ANOS1: variants seen among roughly 807,000 people sequenced by gnomAD.
ANOS1 encodes the protein anosmin-1.
In ANOS1, 6 loss-of-function variants were observed where a neutral mutation model predicts 59.0. That is an observed-to-expected ratio of 0.10 (90% CI 0.06 to 0.20). The LOEUF (loss-of-function observed/expected upper bound fraction) is 0.20, where lower values mean the gene tolerates loss of function less well. ANOS1 is among the 10% of genes least tolerant of loss of function. ANOS1 has a pLI of 1.00. For synonymous variants in ANOS1, 217 were observed against 223.4 expected, an observed-to-expected ratio of 0.97 and a Z score of 0.25; for missense variants, 433 against 542.3, an observed-to-expected ratio of 0.80 and a Z score of 2.00.
intron 8 of ANOS1, among the ~76,000 whole-genome samples, chrX:8,563,697 G>A (rs1930067199): frequency 8.9e-6 from 1 of 112,355 alleles, no homozygotes; most frequent in African/African-American, 3.2e-5. Flanking sequence ...TGGAAAGACA[G>A]TTGCATTCAG....
At chrX:8,720,773 A>G (rs1007295812) in intron 1 of ANOS1, among the ~76,000 whole-genome samples, 2 of 110,916 alleles carry the variant, frequency 1.8e-5, no homozygotes, top group African/African-American at 6.6e-5. Flanking sequence ...AACTTAAAAA[A>G]AAAGTAGCCA....
intron 2 of ANOS1, among the ~76,000 whole-genome samples, chrX:8,697,925 G>T (rs980832606): frequency 9.0e-6 from 1 of 111,654 alleles, no homozygotes; most frequent in African/African-American, 3.3e-5. Context: ...ATTAACCTAC[G>T]CATTAAGAGA....
At chrX:8,550,500 A>G (rs779594733) in intron 9 of ANOS1, among the ~76,000 whole-genome samples, 2 of 111,591 alleles carry the variant, frequency 1.8e-5, no homozygotes, top group African/African-American at 6.5e-5. Context: ...TAATTCAAAT[A>G]TGTATATAAA....
intron 2 of ANOS1, among the ~76,000 whole-genome samples, chrX:8,649,737 T>C (rs1385805861): frequency 8.9e-6 from 1 of 111,852 alleles, no homozygotes; most frequent in African/African-American, 3.3e-5. Flanking sequence ...AAATTTTGCC[T>C]GCATAAAATG....
rs1295638919 is a variant in ANOS1, at chrX:8,530,861, A to C, written c.*2134T>G. On this transcript the variant is annotated 3_prime_UTR_variant, in exon 14 of 14. Transcript: ENST00000262648. ...GTAAAAGATAAATGGATAGCTAATA[A>C]TGAAAAATTTTAATTTTTGAAATTT... The C allele has an allele frequency of 1.8e-5, 2 of 111,291 alleles. No homozygotes were observed. Among genetic ancestry groups the C allele is most frequent in the Non-Finnish European group, 3.8e-5 (2 of 53,041 alleles). The allele number at this position is 111,291 out of a possible 1,213,427, so 9.2% of individuals were successfully genotyped here.
intron 2 of ANOS1, among the ~76,000 whole-genome samples, chrX:8,683,249 C>T (rs761692803): frequency 4.5e-5 from 5 of 110,881 alleles, no homozygotes; most frequent in South Asian, 3.9e-4. Context: ...AAGTAAAGGA[C>T]GAGGAGCGAT....
chrX:8,602,407 T>A (rs1443368892), intron 3 of ANOS1, among the ~76,000 whole-genome samples: 1 of 111,724 alleles, frequency 9.0e-6, no homozygotes, highest in African/African-American at 3.2e-5. Context: ...GTAATTTGAG[T>A]GTCACAAAAG....
chrX:8,646,042 C>G (rs755781863), intron 2 of ANOS1, among the ~76,000 whole-genome samples: 15 of 111,590 alleles, frequency 1.3e-4, no homozygotes, highest in African/African-American at 4.9e-4. Flanking sequence ...CCCCCTCCCC[C>G]CTCAGCCTCC....
At chrX:8,563,912 T>C (rs1233282424) in intron 8 of ANOS1, among the ~76,000 whole-genome samples, 1 of 110,135 alleles carries the variant, frequency 9.1e-6, no homozygotes, top group East Asian at 2.8e-4. Context: ...GTGGAGGGAG[T>C]GAGTTCAATG....
Position 8,731,854 on chromosome X carries a change from G to A in ANOS1, c.183C>T (p.Ile61=). Residue 61 remains isoleucine (I), a synonymous_variant, in exon 1 of 14, where the codon ATC becomes ATT. Transcript: ENST00000262648. ...CCTGGAAGTGCTGGAAGAAGGCGGA[G>A]ATGCGAGTGATCTGCAGGCTCAGGC... The part of the protein sequence containing the change: ...SRCLSLQITR[I]SAFFQHFQNN... The A allele has an allele frequency of 1.7e-6, 2 of 1,194,009 alleles. No homozygotes were observed. Among genetic ancestry groups the A allele is most frequent in the East Asian group, 3.1e-5 (1 of 32,226 alleles).
chrX:8,606,706 T>C (rs1930949726), intron 3 of ANOS1, among the ~76,000 whole-genome samples: 1 of 112,878 alleles, frequency 8.9e-6, no homozygotes, highest in Non-Finnish European at 1.9e-5. Context: ...TGTTAACACG[T>C]TTCTGCACAG....
At position 8,529,353 on chromosome X, in the gene ANOS1, CT is replaced by C. The variant is rs746941599; in HGVS notation, c.*3641del. ...ATATCTGTTTATATTTTATAATAAA[CT>C]TTAAAGTACATGCAACAGATATTTA... On this transcript the variant is annotated 3_prime_UTR_variant, in exon 14 of 14. Coordinates refer to ENST00000262648, the MANE Select transcript of ANOS1 (RefSeq NM_000216.4). 1 of 111,802 alleles carries C rather than the reference CT, an allele frequency of 8.9e-6. No individual in the cohort carries two copies. The highest frequency in any genetic ancestry group is 2.8e-4 in the East Asian group (1 of 3,563). 9.2% of individuals were successfully genotyped at this position (111,802 alleles called of 1,213,427 possible). A position where few individuals can be genotyped will look rare whatever the true frequency, so the allele number is the denominator to read the frequency against.
intron 10 of ANOS1, 55 bp downstream of exon 10, chrX:8,539,609 T>A: frequency 2.5e-6 from 3 of 1,208,621 alleles, no homozygotes; most frequent in Non-Finnish European, 3.4e-6. Flanking sequence ...AGTTTGTACA[T>A]CCTCCTGTCT....
intron 2 of ANOS1, among the ~76,000 whole-genome samples, chrX:8,676,865 C>G (rs1047577262): frequency 2.7e-5 from 3 of 111,833 alleles, no homozygotes; most frequent in Middle Eastern, 4.2e-3. Context: ...CAGTGACAAT[C>G]ATAACCTCAG....
intron 3 of ANOS1, among the ~76,000 whole-genome samples, chrX:8,618,452 G>A (rs776801728): frequency 8.9e-6 from 1 of 112,000 alleles, no homozygotes; most frequent in South Asian, 3.7e-4. Context: ...TCATGAATCA[G>A]AAACGTCAAA....
chrX:8,681,715 A>C (rs1602022278), intron 2 of ANOS1, among the ~76,000 whole-genome samples: 1 of 111,913 alleles, frequency 8.9e-6, no homozygotes, highest in Non-Finnish European at 1.9e-5. Flanking sequence ...TCTGTCCAGC[A>C]TTTTGCATAA....
chrX:8,570,529 T>C lies in ANOS1; in HGVS notation c.1032A>G (p.Thr344=). ...CCGTAGTCTTTCTCCGCTTCTTCTT[T>C]GTTGGGACAAGAGACTTACTGCTGA... ...WMVSSKSLVP[T]KKKRRKTTDG... The change falls in exon 7 of 14, where the codon ACA becomes ACG. Residue 344 remains threonine, a synonymous_variant. Transcript: ENST00000262648. The C allele has an allele frequency of 2.5e-6, 3 of 1,211,133 alleles. No homozygotes were observed.
chrX:8,550,282 A>G (rs968917622), intron 9 of ANOS1, among the ~76,000 whole-genome samples: 5 of 111,879 alleles, frequency 4.5e-5, no homozygotes, highest in African/African-American at 1.6e-4. Flanking sequence ...ACCTTGGAAA[A>G]ATCATATTAA....
At position 8,576,491 on chromosome X, in the gene ANOS1, T is replaced by TACACACAC. The variant is rs769843705; in HGVS notation, c.857-5795_857-5788dup. On this transcript the variant is annotated intron_variant, in intron 6 of 13. Transcript: ENST00000262648. The stretch of plus-strand genomic sequence containing the variant: ...ATACACACACACACACACACACACA[T>TACACACAC]ACACACACACACACACACACACACA... Among the ~76,000 whole-genome samples, 524 of 93,443 alleles carry TACACACAC rather than the reference T, an allele frequency of 5.6e-3. 7 individuals carry two copies. The highest frequency in any genetic ancestry group is 0.053 in the Admixed American group (446 of 8,401). The allele number at this position is 93,443 out of a possible 115,157, so 81.1% of individuals were successfully genotyped here.
Sources: gnomAD v4.1 joint callset for allele counts (sites outside exome capture counted in the v4.1 genomes callset) on GRCh38, gnomAD v4.1.1 for gene constraint, MANE v1.5 for transcripts, NCBI Gene and HGNC (gene_info 2026-07-23, HGNC 2026-07-21) for gene names.